The following IQUB variants were observed in gnomAD, a reference collection of about 807,000 sequenced individuals.
IQUB encodes IQ motif and ubiquitin domain containing.
Under a neutral mutation model 86.4 loss-of-function variants are expected in IQUB, and 86 were observed. The ratio of observed to expected loss-of-function variants is 1.00; its 90% CI spans 0.84 to 1.19. The LOEUF is 1.19. Ranked by LOEUF, IQUB falls within the 50% of genes most tolerant of loss-of-function variation. IQUB has a pLI of 0.00. For synonymous variants in IQUB, 289 were observed against 304.5 expected (o/e 0.95, Z 0.53); for missense variants, 946 against 916.9 (o/e 1.03, Z -0.41).
intron 9 of IQUB, among the ~76,000 whole-genome samples, chr7:123,466,452 G>A (rs1794267411): frequency 6.6e-6 from 1 of 151,864 alleles, no homozygotes; most frequent in Admixed American, 6.6e-5. Context: ...TCCTACCTCT[G>A]GACCTATTGC....
chr7:123,502,728 G>T lies in IQUB; in HGVS notation c.892C>A (p.Gln298Lys). The T allele has an allele frequency of 6.2e-7, 1 of 1,602,086 alleles. No individual in the cohort carries two copies. The highest frequency in any genetic ancestry group is 1.7e-5 in the Admixed American group (1 of 57,556). Reference sequence around the variant, plus strand: ...GTGGATGTTGTATTTGTAGTTTGTTGGAGATTTTTTTTCTGAAAAACTGTC... The same window carrying T: ...GTGGATGTTGTATTTGTAGTTTGTTTGAGATTTTTTTTCTGAAAAACTGTC... ...TQTVFQKKNL[Q>K]QTTNTTSTQM... Residue 298 changes from glutamine to lysine, a missense_variant, in exon 6 of 13, where the codon CAA becomes AAA. Physicochemically the swap from Gln to Lys is moderately conservative, Grantham distance 53. Coordinates refer to ENST00000324698, the MANE Select transcript of IQUB (RefSeq NM_178827.5).
At chr7:123,527,900 G>A (rs1043624589) in intron 1 of IQUB, among the ~76,000 whole-genome samples, 20 of 152,326 alleles carry the variant, frequency 1.3e-4, no homozygotes, top group African/African-American at 4.6e-4. Flanking sequence ...AATGGCGGGC[G>A]CCCCTCCCCC....
At chr7:123,482,367 T>C (rs1387411672) in intron 7 of IQUB, among the ~76,000 whole-genome samples, 2 of 152,054 alleles carry the variant, frequency 1.3e-5, no homozygotes, top group Admixed American at 1.3e-4. Context: ...CACCAAAAGC[T>C]GAAAATGTAA....
At chr7:123,495,080 C>A (rs1795650222) in intron 7 of IQUB, among the ~76,000 whole-genome samples, 1 of 152,032 alleles carries the variant, frequency 6.6e-6, no homozygotes, top group African/African-American at 2.4e-5. Context: ...AGTACTGACA[C>A]TTAATAATCT....
chr7:123,500,630 T>C (rs1795902432), intron 6 of IQUB, among the ~76,000 whole-genome samples: 1 of 152,180 alleles, frequency 6.6e-6, no homozygotes, highest in Non-Finnish European at 1.5e-5. Context: ...GTACTCCCTA[T>C]ACCGGCTTTT....
intron 6 of IQUB, among the ~76,000 whole-genome samples, chr7:123,497,152 T>C (rs893052335): frequency 4.6e-5 from 7 of 152,178 alleles, no homozygotes; most frequent in African/African-American, 1.7e-4. Flanking sequence ...CTTAACAGAA[T>C]AGACTCTGGA....
At chr7:123,522,808 T>A (rs1005574281) in intron 1 of IQUB, among the ~76,000 whole-genome samples, 104 of 151,622 alleles carry the variant, frequency 6.9e-4, no homozygotes, top group African/African-American at 2.5e-3. Flanking sequence ...ACCCATTAAC[T>A]CGTCATCTAG....
chr7:123,511,077 A>G (rs1796393740), intron 2 of IQUB, among the ~76,000 whole-genome samples: 1 of 152,192 alleles, frequency 6.6e-6, no homozygotes, highest in Non-Finnish European at 1.5e-5. Flanking sequence ...TGCTTCAGTC[A>G]GGTATAACTG....
chr7:123,485,484 T>C (rs1370020130), intron 7 of IQUB, among the ~76,000 whole-genome samples: 1 of 152,118 alleles, frequency 6.6e-6, no homozygotes, highest in Non-Finnish European at 1.5e-5. Context: ...CCATTACAGA[T>C]ATCGATAACC....
At chr7:123,515,633 AAC>A (rs1052227430) in intron 1 of IQUB, among the ~76,000 whole-genome samples, 1 of 152,170 alleles carries the variant, frequency 6.6e-6, no homozygotes, top group Non-Finnish European at 1.5e-5. Context: ...CCTGAGAACA[AAC>A]ACATAAAAAT....
At chr7:123,526,539 T>A (rs1365639664) in intron 1 of IQUB, among the ~76,000 whole-genome samples, 1 of 151,850 alleles carries the variant, frequency 6.6e-6, no homozygotes, top group Admixed American at 6.6e-5. Flanking sequence ...TTTTTTGTTT[T>A]CCATTTGCTT....
chr7:123,477,320 C>G (rs899815145), intron 8 of IQUB, among the ~76,000 whole-genome samples: 21 of 152,104 alleles, frequency 1.4e-4, no homozygotes, highest in African/African-American at 4.6e-4. Context: ...ACAAACCTGA[C>G]AAAAACAAGA....
intron 1 of IQUB, among the ~76,000 whole-genome samples, chr7:123,527,046 A>G (rs1357933515): frequency 6.6e-6 from 1 of 152,166 alleles, no homozygotes; most frequent in African/African-American, 2.4e-5. Flanking sequence ...TCTGGCTTGT[A>G]GCCTTCATTT....
chr7:123,525,099 T>C (rs1280208355), intron 1 of IQUB, among the ~76,000 whole-genome samples: 1 of 152,226 alleles, frequency 6.6e-6, no homozygotes, highest in African/African-American at 2.4e-5. Flanking sequence ...TGGATTCGGT[T>C]TGCCAGTATT....
In IQUB at chr7:123,496,819, A is replaced by C. The variant is rs1433970801; in HGVS notation, c.1111T>G (p.Trp371Gly). 1 of 1,612,548 alleles carries C rather than the reference A, an allele frequency of 6.2e-7. No homozygotes were observed. Among genetic ancestry groups the C allele is most frequent in the East Asian group, 2.2e-5 (1 of 44,754 alleles). Residue 371 changes from tryptophan to glycine, a missense_variant, in exon 7 of 13, where the codon TGG becomes GGG. Trp to Gly is a radical substitution (Grantham distance 184). Coordinates refer to ENST00000324698, the MANE Select transcript of IQUB (RefSeq NM_178827.5). Reference protein sequence around the residue: ...LRRQKSLRLEWETQQELRKIR... With the variant: ...LRRQKSLRLEGETQQELRKIR... Reference sequence around the variant, plus strand: ...TTCCTTAGTTCTTGCTGTGTTTCCCATTCCAGTCTTAAGCTTTTCTGTCTT... The same window carrying C: ...TTCCTTAGTTCTTGCTGTGTTTCCCCTTCCAGTCTTAAGCTTTTCTGTCTT...
Position 123,512,179 on chromosome 7 carries a change from C to T in IQUB, c.162G>A (p.Glu54=). 1 of 1,614,072 alleles carries T rather than the reference C, an allele frequency of 6.2e-7. No homozygotes were observed. Among genetic ancestry groups the T allele is most frequent in the Non-Finnish European group, 8.5e-7 (1 of 1,179,950 alleles). ...EHESGIEQFS[E]SHAIHVEEQS... ...GCTCCTCAACATGTATTGCATGGCT[C>T]TCACTGAATTGTTCTATTCCAGATT... The change falls in exon 2 of 13, where the codon GAG becomes GAA. Residue 54 remains glutamate, a synonymous_variant. Transcript: ENST00000324698.
intron 10 of IQUB, among the ~76,000 whole-genome samples, chr7:123,464,282 T>C (rs1278717014): frequency 1.3e-5 from 2 of 151,896 alleles, no homozygotes; most frequent in African/African-American, 2.4e-5. Flanking sequence ...TTGGAGAAGA[T>C]AGTGTAATTC....
chr7:123,490,588 G>A (rs143115026), intron 7 of IQUB, among the ~76,000 whole-genome samples: 2 of 152,254 alleles, frequency 1.3e-5, no homozygotes, highest in African/African-American at 4.8e-5. Flanking sequence ...ATAATAGAAT[G>A]CAAATTCTTC....
In IQUB at chr7:123,521,363, C is replaced by A. The variant is rs1353011329; in HGVS notation, c.-4-9019G>T. Among the ~76,000 whole-genome samples, 28 of 152,044 alleles carry A rather than the reference C, an allele frequency of 1.8e-4. 1 individual carries two copies. The highest frequency in any genetic ancestry group is 1.8e-3 in the Admixed American group (28 of 15,252). ...TATCTCCTTACAAACAAAATGAGGG[C>A]TGGGTGCAGTAACTCACGCCTGTAA... On this transcript the variant is annotated intron_variant, in intron 1 of 12. Coordinates refer to ENST00000324698, the MANE Select transcript of IQUB (RefSeq NM_178827.5).
Sources: allele counts gnomAD v4.1 joint callset (sites outside exome capture counted in the v4.1 genomes callset), GRCh38; gene constraint gnomAD v4.1.1; transcripts MANE v1.5; gene names NCBI Gene and HGNC (gene_info 2026-07-23, HGNC 2026-07-21).